Variants in ARFGEF1 observed in about 807,000 individuals in gnomAD.
ARFGEF1 encodes ARF guanine nucleotide exchange factor 1.
A neutral mutation model predicts 231.0 loss-of-function variants in ARFGEF1; 42 were observed. The ratio of observed to expected loss-of-function variants is 0.18; its 90% confidence interval spans 0.14 to 0.24. The LOEUF (loss-of-function observed/expected upper bound fraction) is 0.24, where lower values mean the gene tolerates loss of function less well. ARFGEF1 is among the 10% of genes least tolerant of loss of function. The pLI is 1.00. For missense variants in ARFGEF1, 1,345 were observed against 2,192.0 expected (o/e 0.61, Z 7.72); for synonymous variants, 710 against 732.3 (o/e 0.97, Z 0.49).
intron 1 of ARFGEF1, among the ~76,000 whole-genome samples, chr8:67,316,122 T>A (rs1807304449): frequency 6.6e-6 from 1 of 151,980 alleles, no homozygotes; most frequent in Admixed American, 6.6e-5. Context: ...ACCGCAGACA[T>A]TAAGAGGGAC....
chr8:67,181,490 G>T (rs1203826504), intron 5 of ARFGEF1, among the ~76,000 whole-genome samples: 1 of 151,908 alleles, frequency 6.6e-6, no homozygotes, highest in Non-Finnish European at 1.5e-5. Context: ...AAGATGGTCT[G>T]GGCCACTCAA....
chr8:67,230,667 A>C (rs1839524649), intron 23 of ARFGEF1, among the ~76,000 whole-genome samples: 1 of 152,114 alleles, frequency 6.6e-6, no homozygotes, highest in South Asian at 2.1e-4. Context: ...AAAACCATAA[A>C]GAGAAAAACT....
At chr8:67,269,959 A>G (rs1805007823) in intron 10 of ARFGEF1, among the ~76,000 whole-genome samples, 1 of 152,170 alleles carries the variant, frequency 6.6e-6, no homozygotes, top group Non-Finnish European at 1.5e-5. Flanking sequence ...GTCGGTAAAC[A>G]GTACCTACAG....
intron 1 of ARFGEF1, among the ~76,000 whole-genome samples, chr8:67,337,847 G>A (rs914862417): frequency 6.6e-6 from 1 of 152,132 alleles, no homozygotes; most frequent in Non-Finnish European, 1.5e-5. Context: ...CCACTAGAAT[G>A]TGTGTTCTAT....
intron 17 of ARFGEF1, among the ~76,000 whole-genome samples, chr8:67,257,184 G>A (rs775805334): frequency 6.6e-5 from 10 of 151,910 alleles, no homozygotes; most frequent in Non-Finnish European, 1.3e-4. Context: ...AGGCTCAAGC[G>A]ATCGTCCCAC....
At position 67,227,080 on chromosome 8, in the gene ARFGEF1, C is replaced by T. The variant is rs114300321; in HGVS notation, c.3916+57G>A. 753 of 1,478,080 alleles carry T rather than the reference C, an allele frequency of 5.1e-4. 2 individuals carry two copies. In the African/African-American group the frequency reaches 9.5e-3, roughly 19 times the overall value. The allele number at this position is 1,478,080 out of a possible 1,614,324, so 91.6% of individuals were successfully genotyped here. ...TGTTACTTGAATCATCTTCTGAACA[C>T]GTTAAGGTTGCTTTTTTTTTTTCCT... On this transcript the variant is annotated intron_variant, in intron 27 of 38. Transcript: ENST00000262215.
intron 6 of ARFGEF1, among the ~76,000 whole-genome samples, chr8:67,289,570 A>G (rs1325379084): frequency 1.3e-5 from 2 of 150,112 alleles, no homozygotes; most frequent in Non-Finnish European, 3.0e-5. Flanking sequence ...AAAAAAAAAA[A>G]AAAAAAGGAA....
chr8:67,299,057 T>C, intron 4 of ARFGEF1, 152 bp downstream of exon 4: 4 of 702,786 alleles, frequency 5.7e-6, no homozygotes, highest in Non-Finnish European at 8.5e-6. Flanking sequence ...GTGCTGGGAT[T>C]ACAGGCATGA....
Position 67,343,582 on chromosome 8 carries a change from G to T in ARFGEF1, c.-295C>A. The T allele has an allele frequency of 9.1e-7, 1 of 1,096,098 alleles. No individual in the cohort carries two copies. Among genetic ancestry groups the T allele is most frequent in the Non-Finnish European group, 1.1e-6 (1 of 900,776 alleles). 67.9% of individuals were successfully genotyped at this position (1,096,098 alleles called of 1,614,324 possible). ...CGCGTCCCGGCCGCCCCTCTCACTC[G>T]TCCCTCCGGCCCTGGTGGCGGTGAG... On this transcript the variant is annotated 5_prime_UTR_variant, in exon 1 of 39. Coordinates refer to ENST00000262215, the MANE Select transcript of ARFGEF1 (RefSeq NM_006421.5).
chr8:67,175,899 A>G (rs973883683), intron 5 of ARFGEF1, among the ~76,000 whole-genome samples: 5 of 152,342 alleles, frequency 3.3e-5, no homozygotes, highest in Admixed American at 2.6e-4. Flanking sequence ...TTTTCGTATA[A>G]TCAACTAACT....
Position 67,266,059 on chromosome 8 carries a change from T to C in ARFGEF1, c.2070A>G (p.Glu690=). The C allele has an allele frequency of 1.2e-6, 2 of 1,613,928 alleles. No homozygotes were observed. Among genetic ancestry groups the C allele is most frequent in the Non-Finnish European group, 1.7e-6 (2 of 1,179,866 alleles). The change falls in exon 14 of 39, where the codon GAA becomes GAG. Residue 690 remains glutamate, a synonymous_variant. Coordinates refer to ENST00000262215, the MANE Select transcript of ARFGEF1 (RefSeq NM_006421.5). ...TTTGTTGCTTTAGGACCTCAAATTG[T>C]TCTGGATTATCAGTGCCAGACATCT... ...STQMSGTDNP[E]QFEVLKQQKE...
At chr8:67,188,376 C>T (rs1424097750) in intron 5 of ARFGEF1, among the ~76,000 whole-genome samples, 1 of 152,184 alleles carries the variant, frequency 6.6e-6, no homozygotes, top group East Asian at 1.9e-4. Context: ...GCTTGTAACT[C>T]AGCTCACACC....
intron 18 of ARFGEF1, among the ~76,000 whole-genome samples, chr8:67,253,054 A>G (rs1025746176): frequency 2.0e-5 from 3 of 152,320 alleles, no homozygotes; most frequent in Middle Eastern, 6.8e-3. Context: ...GCACACTGAC[A>G]CATGCATATA....
chr8:67,304,787 C>G (rs1806661239), intron 1 of ARFGEF1, among the ~76,000 whole-genome samples: 1 of 152,032 alleles, frequency 6.6e-6, no homozygotes, highest in African/African-American at 2.4e-5. Flanking sequence ...CCACTGCGCT[C>G]CAGCCTGGGT....
At chr8:67,287,803 A>G (rs762311446) in intron 7 of ARFGEF1, 152 bp downstream of exon 7, 1 of 454,474 alleles carries the variant, frequency 2.2e-6, no homozygotes, top group African/African-American at 2.0e-5. Flanking sequence ...TCTAGAATCA[A>G]GGCCAAAATC....
chr8:67,175,583 A>G (rs1831418950), intron 5 of ARFGEF1: 2 of 879,038 alleles, frequency 2.3e-6, no homozygotes, highest in Middle Eastern at 2.1e-4. Flanking sequence ...CTGTAGTACC[A>G]GAAAAGAACA....
chr8:67,218,865 G>A (rs192034449), intron 30 of ARFGEF1, among the ~76,000 whole-genome samples: 3 of 152,220 alleles, frequency 2.0e-5, no homozygotes, highest in Non-Finnish European at 4.4e-5. Context: ...ATGTTTTATA[G>A]TTGTAACTAT....
At chr8:67,213,902 C>T (rs188734263) in intron 33 of ARFGEF1, among the ~76,000 whole-genome samples, 428 of 152,338 alleles carry the variant, frequency 2.8e-3, no homozygotes, top group Middle Eastern at 0.014. Context: ...TCTATCTATA[C>T]AAATCTCTCC....
chr8:67,288,717 A>G (rs535760205), intron 6 of ARFGEF1, among the ~76,000 whole-genome samples: 18 of 152,188 alleles, frequency 1.2e-4, no homozygotes, highest in African/African-American at 4.1e-4. Context: ...TGGGTGACAG[A>G]GCAAGACGAC....
Sources: gnomAD v4.1 joint callset for allele counts (sites outside exome capture counted in the v4.1 genomes callset) on GRCh38, gnomAD v4.1.1 for gene constraint, MANE v1.5 for transcripts, NCBI Gene and HGNC (gene_info 2026-07-23, HGNC 2026-07-21) for gene names.